GPHN: variants seen among roughly 807,000 people sequenced by gnomAD.
The protein encoded by GPHN is gephyrin.
GPHN carries 17 observed loss-of-function variants against 95.5 expected under a neutral mutation model. The ratio of observed to expected loss-of-function variants is 0.18; its 90% CI spans 0.12 to 0.27. The LOEUF (loss-of-function observed/expected upper bound fraction) is 0.27. Among genes scored for constraint, GPHN ranks in the 10% least tolerant of loss-of-function variants. The pLI is 1.00. For missense variants in GPHN, 660 were observed against 978.1 expected (o/e 0.67, Z 4.34); for synonymous variants, 320 against 322.5 (o/e 0.99, Z 0.08).
the GPHN span, chr14:67,392,301 T>A: frequency 7.0e-7 from 1 of 1,429,228 alleles, no homozygotes; most frequent in East Asian, 2.3e-5. Context: ...TGTCCATCTC[T>A]CTTCCCTGCT....
At chr14:67,656,543 C>A in the GPHN span, 1 of 1,613,962 alleles carries the variant, frequency 6.2e-7, no homozygotes, top group African/African-American at 1.3e-5. Flanking sequence ...CCGGTTCAGG[C>A]TTTCAGTGCC....
chr14:66,630,123 A>G lies in GPHN; in HGVS notation c.65-50984A>G, dbSNP rs573939066. Reference sequence around the variant, plus strand: ...CTGGAACTTACTGGACAGCTAGATGACAATATGAAGATCTAAGGAATGGGG... The same window carrying G: ...CTGGAACTTACTGGACAGCTAGATGGCAATATGAAGATCTAAGGAATGGGG... On this transcript the variant is annotated intron_variant, in intron 1 of 22. Coordinates refer to ENST00000478722, the MANE Select transcript of GPHN (RefSeq NM_020806.5). Among the ~76,000 whole-genome samples the G allele has an allele frequency of 8.4e-4, 128 of 152,296 alleles. 3 individuals carry two copies. In the South Asian group the frequency reaches 0.026, roughly 30 times the overall value.
the GPHN span, among the ~76,000 whole-genome samples, chr14:67,605,714 G>A: frequency 2.7e-5 from 4 of 150,810 alleles, no homozygotes; most frequent in South Asian, 4.2e-4. Context: ...ACATAGTCTC[G>A]CTTTGTTACC....
chr14:66,803,709 T>C (rs889897259), intron 3 of GPHN, among the ~76,000 whole-genome samples: 2 of 152,288 alleles, frequency 1.3e-5, no homozygotes, highest in African/African-American at 4.8e-5. Flanking sequence ...TGTTGTTTAC[T>C]TTCTCTGCAT....
At chr14:67,726,096 T>C in the GPHN span, 2 of 1,614,176 alleles carry the variant, frequency 1.2e-6, no homozygotes, top group African/African-American at 1.3e-5. Flanking sequence ...GGAGTAATGA[T>C]GTGTCCATAT....
chr14:66,926,216 T>C (rs998756796), intron 8 of GPHN, among the ~76,000 whole-genome samples: 3 of 152,214 alleles, frequency 2.0e-5, no homozygotes, highest in Non-Finnish European at 4.4e-5. Flanking sequence ...CTTGATTGTT[T>C]CCTTTGTTAG....
At chr14:67,415,910 A>G in the GPHN span, among the ~76,000 whole-genome samples, 1 of 152,192 alleles carries the variant, frequency 6.6e-6, no homozygotes, top group Non-Finnish European at 1.5e-5. Flanking sequence ...TCTCACTTGT[A>G]TGTGGGAGCT....
At chr14:66,581,781 T>C (rs1365668006) in intron 1 of GPHN, among the ~76,000 whole-genome samples, 1 of 151,824 alleles carries the variant, frequency 6.6e-6, no homozygotes, top group Non-Finnish European at 1.5e-5. Context: ...TAAATAAAAA[T>C]TATAAAAAGA....
At chr14:67,721,379 G>A in the GPHN span, among the ~76,000 whole-genome samples, 1 of 152,018 alleles carries the variant, frequency 6.6e-6, no homozygotes, top group East Asian at 1.9e-4. Flanking sequence ...TCAGCCTCCC[G>A]AGTAGCTAGG....
At chr14:66,631,030 C>A (rs1331821174) in intron 1 of GPHN, among the ~76,000 whole-genome samples, 2 of 151,404 alleles carry the variant, frequency 1.3e-5, no homozygotes, top group African/African-American at 4.9e-5. Context: ...TAATTGCAGT[C>A]GTTCTTTTTT....
the GPHN span, among the ~76,000 whole-genome samples, chr14:67,641,748 G>A: frequency 6.6e-6 from 1 of 152,060 alleles, no homozygotes; most frequent in Non-Finnish European, 1.5e-5. Context: ...GAGACCAGCT[G>A]GGGCAACATA....
chr14:66,779,285 C>G (rs2059518145), intron 3 of GPHN, among the ~76,000 whole-genome samples: 1 of 152,016 alleles, frequency 6.6e-6, no homozygotes, highest in Admixed American at 6.6e-5. Flanking sequence ...AGGTCTAATC[C>G]AGATCTCTCA....
intron 18 of GPHN, among the ~76,000 whole-genome samples, chr14:67,146,277 CCA>C (rs966785432): frequency 2.6e-5 from 4 of 152,170 alleles, no homozygotes; most frequent in Non-Finnish European, 5.9e-5. Context: ...AATGATTCTT[CCA>C]CAGTTACTTC....
chr14:67,392,916 G>T, the GPHN span: 1 of 1,317,580 alleles, frequency 7.6e-7, no homozygotes, highest in South Asian at 1.4e-5. Flanking sequence ...TGTGGCCAAT[G>T]ACCTCACTGA....
At chr14:67,350,741 A>G in the GPHN span, 1 of 1,482,680 alleles carries the variant, frequency 6.7e-7, no homozygotes, top group Non-Finnish European at 9.4e-7. Flanking sequence ...TTACAAGGAA[A>G]TATTCCATCA....
intron 9 of GPHN, among the ~76,000 whole-genome samples, chr14:66,967,218 G>T (rs1160119146): frequency 2.6e-5 from 4 of 151,836 alleles, no homozygotes; most frequent in Non-Finnish European, 4.4e-5. Flanking sequence ...TGCTGAATTA[G>T]AATATTAATA....
intron 1 of GPHN, among the ~76,000 whole-genome samples, chr14:66,612,372 T>C (rs942497668): frequency 2.0e-5 from 3 of 152,036 alleles, no homozygotes; most frequent in Non-Finnish European, 4.4e-5. Flanking sequence ...CCCTCCCACA[T>C]AGTTGCTCTG....
intron 1 of GPHN, among the ~76,000 whole-genome samples, chr14:66,558,366 G>T (rs1221537023): frequency 6.6e-6 from 1 of 152,078 alleles, no homozygotes; most frequent in South Asian, 2.1e-4. Flanking sequence ...AATACATAGA[G>T]AAGACAACAC....
chr14:67,577,692 A>G, the GPHN span, among the ~76,000 whole-genome samples: 3 of 152,162 alleles, frequency 2.0e-5, no homozygotes, highest in Admixed American at 1.3e-4. Context: ...GGCGAGGTTT[A>G]TGTTGCTTCT....
Sources: allele counts gnomAD v4.1 joint callset (sites outside exome capture counted in the v4.1 genomes callset), GRCh38; gene constraint gnomAD v4.1.1; transcripts MANE v1.5; gene names NCBI Gene and HGNC (gene_info 2026-07-23, HGNC 2026-07-21).